Variants in SDK1 observed in about 807,000 individuals in gnomAD.
SDK1 encodes sidekick cell adhesion molecule 1.
SDK1 carries 157 observed loss-of-function variants against 245.5 expected under a neutral mutation model. The observed-to-expected ratio is 0.64, with a 90% CI of 0.56 to 0.73. SDK1 has a LOEUF of 0.73. Among genes scored for constraint, SDK1 ranks in the 30% least tolerant of loss-of-function variants. The probability of loss-of-function intolerance (pLI) is 0.00; values close to 1 mark genes in which losing one functional copy is unlikely to be tolerated. For missense variants in SDK1, 3,583 were observed against 3,002.3 expected (o/e 1.19, Z -4.52); for synonymous variants, 1,647 against 1,278.5 (o/e 1.29, Z -6.15).
rs542093242 is a variant in SDK1, at chr7:4,236,441, A to T, written c.5993-1206A>T. Among the ~76,000 whole-genome samples the T allele has an allele frequency of 7.9e-5, 12 of 152,338 alleles. No homozygotes were observed. In the South Asian group the frequency reaches 1.7e-3, roughly 21 times the overall value. ...ATTTCTCAAAAACACATCTAAAGAC[A>T]GGGCCAGTCGTTCAGCTTGGTTTTG... On this transcript the variant is annotated intron_variant, in intron 41 of 44. Coordinates refer to ENST00000404826, the MANE Select transcript of SDK1 (RefSeq NM_152744.4).
At chr7:3,325,460 T>C (rs1020892265) in intron 1 of SDK1, among the ~76,000 whole-genome samples, 1 of 152,194 alleles carries the variant, frequency 6.6e-6, no homozygotes, top group African/African-American at 2.4e-5. Flanking sequence ...AACATAGATA[T>C]ACTTTTAAAG....
intron 4 of SDK1, among the ~76,000 whole-genome samples, chr7:3,763,860 C>T (rs973144846): frequency 2.0e-5 from 3 of 152,064 alleles, no homozygotes; most frequent in Middle Eastern, 3.2e-3. Context: ...TATAAATGCT[C>T]CTCACATGAT....
rs763454415 is a variant in SDK1 at position 4,237,628 on chromosome 7, G to A, written c.5993-19G>A. The stretch of plus-strand genomic sequence containing the variant: ...GAGCGTCTGCCCCATGTCATTGTGT[G>A]TCCGTGTCTTTTCCACAGCTCAAGT... On this transcript the variant is annotated intron_variant, in intron 41 of 44. Transcript: ENST00000404826. 6.2e-7 allele frequency: 1 copy of A among 1,614,140 alleles called. No individual in the cohort carries two copies. The highest frequency in any genetic ancestry group is 8.5e-7 in the Non-Finnish European group (1 of 1,180,000).
At chr7:3,753,294 G>A (rs1192654629) in intron 4 of SDK1, among the ~76,000 whole-genome samples, 2 of 152,108 alleles carry the variant, frequency 1.3e-5, no homozygotes. Flanking sequence ...TGCTATTAAA[G>A]CCATTAATTC....
chr7:3,737,427 A>G (rs1291097154), intron 4 of SDK1, among the ~76,000 whole-genome samples: 1 of 152,180 alleles, frequency 6.6e-6, no homozygotes, highest in East Asian at 1.9e-4. Flanking sequence ...ATTTCAGGCT[A>G]TGCTGCTCTG....
chr7:3,457,761 G>C (rs1433059832), intron 1 of SDK1, among the ~76,000 whole-genome samples: 1 of 152,022 alleles, frequency 6.6e-6, no homozygotes, highest in African/African-American at 2.4e-5. Context: ...CTCTCATCTT[G>C]GCACCTCACA....
intron 4 of SDK1, among the ~76,000 whole-genome samples, chr7:3,644,486 C>T (rs80348080): frequency 6.6e-6 from 1 of 151,436 alleles, no homozygotes; most frequent in Non-Finnish European, 1.5e-5. Flanking sequence ...AGGTAAGGGC[C>T]ATTTGCGGTG....
At chr7:3,637,837 C>G (rs1782515217) in intron 2 of SDK1, among the ~76,000 whole-genome samples, 1 of 152,228 alleles carries the variant, frequency 6.6e-6, no homozygotes, top group Non-Finnish European at 1.5e-5. Context: ...ATACATTGTG[C>G]TGAGAGATGT....
Position 3,987,270 on chromosome 7 carries a change from C to T in SDK1, c.2079C>T (p.Pro693=). The change falls in exon 14 of 45, where the codon CCC becomes CCT. Residue 693 remains proline, a synonymous_variant. Coordinates refer to ENST00000404826, the MANE Select transcript of SDK1 (RefSeq NM_152744.4). ...CCGTGGTGCTCTCTTGGGTCCGGCC[C>T]TTTGATGGAAACAGTCCTATTCTTT... The part of the protein sequence containing the change: ...SHAVVLSWVR[P]FDGNSPILYY... 6.2e-7 allele frequency: 1 copy of T among 1,614,138 alleles called. No individual in the cohort carries two copies. The highest frequency in any genetic ancestry group is 8.5e-7 in the Non-Finnish European group (1 of 1,179,994).
At chr7:3,873,929 T>A (rs1005369393) in intron 5 of SDK1, among the ~76,000 whole-genome samples, 2 of 152,230 alleles carry the variant, frequency 1.3e-5, no homozygotes, top group African/African-American at 4.8e-5. Flanking sequence ...AAGATACATG[T>A]CATGTCTGAG....
chr7:3,930,453 G>A (rs1779936702), intron 5 of SDK1, among the ~76,000 whole-genome samples: 1 of 152,202 alleles, frequency 6.6e-6, no homozygotes, highest in Non-Finnish European at 1.5e-5. Context: ...CACTGACATG[G>A]AAGAGGCAGG....
At chr7:3,785,160 A>T (rs1422447267) in intron 4 of SDK1, among the ~76,000 whole-genome samples, 3 of 152,156 alleles carry the variant, frequency 2.0e-5, no homozygotes, top group Non-Finnish European at 2.9e-5. Flanking sequence ...AATAACTCAT[A>T]GCAGCAGAGA....
At chr7:4,189,941 C>G (rs1783096513) in intron 35 of SDK1, among the ~76,000 whole-genome samples, 1 of 152,160 alleles carries the variant, frequency 6.6e-6, no homozygotes, top group African/African-American at 2.4e-5. Context: ...ATGGGTCCCA[C>G]CTTTCTTCTA....
rs186891251 is a variant in SDK1 at position 3,604,116 on chromosome 7, T to A, written c.299-14964T>A. ...TTTATTGAGGATTTTTGCATCGATG[T>A]TCATCAAGGCTATTGGTCTAAAATT... On this transcript the variant is annotated intron_variant, in intron 1 of 44. Coordinates refer to ENST00000404826, the MANE Select transcript of SDK1 (RefSeq NM_152744.4). Among the ~76,000 whole-genome samples, 11 of 152,342 alleles carry A rather than the reference T, an allele frequency of 7.2e-5. No homozygotes were observed. In the East Asian group the frequency reaches 2.1e-3, roughly 29 times the overall value.
intron 1 of SDK1, among the ~76,000 whole-genome samples, chr7:3,551,950 G>C (rs953099837): frequency 9.9e-5 from 15 of 152,098 alleles, no homozygotes; most frequent in African/African-American, 3.6e-4. Flanking sequence ...TAATTTAATT[G>C]AGAAAATTAA....
At position 4,227,533 on chromosome 7, in the gene SDK1, T is replaced by C. The variant is rs986791023; in HGVS notation, c.5828-5722T>C. On this transcript the variant is annotated intron_variant, in intron 40 of 44. Transcript: ENST00000404826. The stretch of plus-strand genomic sequence containing the variant: ...CCATTCATACAAAAAGAAATGGCAG[T>C]ATTTAAGAAATAAACAACTGACAGG... 4.4e-5 allele frequency: 20 copies of C among 451,944 alleles called. 1 individual carries two copies. Among genetic ancestry groups the C allele is most frequent in the Middle Eastern group, 3.5e-4 (1 of 2,826 alleles). 28.0% of individuals were successfully genotyped at this position (451,944 alleles called of 1,614,324 possible). A position where few individuals can be genotyped will look rare whatever the true frequency, so the allele number is the denominator to read the frequency against.
intron 5 of SDK1, among the ~76,000 whole-genome samples, chr7:3,921,839 G>A (rs1486256057): frequency 6.6e-6 from 1 of 152,122 alleles, no homozygotes; most frequent in Non-Finnish European, 1.5e-5. Flanking sequence ...GGTGGTGCGT[G>A]CCTGTGGTCC....
intron 5 of SDK1, among the ~76,000 whole-genome samples, chr7:3,914,640 T>C (rs1249327192): frequency 6.6e-6 from 1 of 152,200 alleles, no homozygotes; most frequent in African/African-American, 2.4e-5. Context: ...CCAACTCTTA[T>C]TGCAAAATGA....
At chr7:3,538,404 T>G (rs1396735768) in intron 1 of SDK1, among the ~76,000 whole-genome samples, 1 of 151,222 alleles carries the variant, frequency 6.6e-6, no homozygotes, top group East Asian at 1.9e-4. Flanking sequence ...ATAAATTTCT[T>G]TTCATTAATT....
Sources: allele counts gnomAD v4.1 joint callset (sites outside exome capture counted in the v4.1 genomes callset), GRCh38; gene constraint gnomAD v4.1.1; transcripts MANE v1.5; gene names NCBI Gene and HGNC (gene_info 2026-07-23, HGNC 2026-07-21).